The following SAMD4A variants were observed in gnomAD, a reference collection of about 807,000 sequenced individuals.
SAMD4A encodes the protein sterile alpha motif domain containing 4A, also known as protein Smaug homolog 1.
SAMD4A carries 33 observed loss-of-function variants against 81.3 expected under a neutral mutation model. The observed-to-expected ratio is 0.41, with a 90% confidence interval of 0.31 to 0.54. SAMD4A has a LOEUF of 0.54. Among genes scored for constraint, SAMD4A ranks in the 20% least tolerant of loss-of-function variants. SAMD4A has a pLI of 0.37. For synonymous variants in SAMD4A, 389 were observed against 382.1 expected, an observed-to-expected ratio of 1.02 and a Z score of -0.21; for missense variants, 854 against 951.1, an observed-to-expected ratio of 0.90 and a Z score of 1.34.
At position 54,761,492 on chromosome 14, in the gene SAMD4A, T is replaced by C. The variant is rs527523643; in HGVS notation, c.1510+998T>C. Among the ~76,000 whole-genome samples, 12 of 152,370 alleles carry C rather than the reference T, an allele frequency of 7.9e-5. No individual in the cohort carries two copies. The South Asian group carries it at 2.5e-3, about 32-fold the overall frequency. The stretch of plus-strand genomic sequence containing the variant: ...TCCATTCTACACTCCAGACTTTGTA[T>C]CTTTGAGTTCTCAAAAGTTTGCATA... On this transcript the variant is annotated intron_variant, in intron 7 of 12. Coordinates refer to ENST00000554335, the MANE Select transcript of SAMD4A (RefSeq NM_015589.6).
At chr14:54,761,296 T>A (rs1288704914) in intron 7 of SAMD4A, among the ~76,000 whole-genome samples, 1 of 152,234 alleles carries the variant, frequency 6.6e-6, no homozygotes, top group Non-Finnish European at 1.5e-5. Context: ...ATTTGAACCC[T>A]GCAGTCTCTC....
intron 7 of SAMD4A, among the ~76,000 whole-genome samples, chr14:54,762,139 G>A (rs1399496741): frequency 3.3e-5 from 5 of 152,142 alleles, no homozygotes; most frequent in African/African-American, 7.2e-5. Context: ...GGGTAAGAGC[G>A]CCCCTTTCTA....
intron 11 of SAMD4A, among the ~76,000 whole-genome samples, chr14:54,781,455 A>T (rs2139970064): frequency 6.6e-6 from 1 of 152,332 alleles, no homozygotes; most frequent in East Asian, 1.9e-4. Flanking sequence ...TTCTGAAAAG[A>T]TACAATTAAT....
At chr14:54,705,026 C>A (rs1486489439) in intron 3 of SAMD4A, among the ~76,000 whole-genome samples, 2 of 152,204 alleles carry the variant, frequency 1.3e-5, no homozygotes, top group Non-Finnish European at 2.9e-5. Context: ...CTAACTACAG[C>A]TTGGCCAAGT....
chr14:54,656,190 C>T (rs1029021082), intron 2 of SAMD4A, among the ~76,000 whole-genome samples: 2 of 152,198 alleles, frequency 1.3e-5, no homozygotes, highest in African/African-American at 2.4e-5. Flanking sequence ...AATTCACTCT[C>T]CACTAACCTA....
At chr14:54,758,150 G>A (rs1457543310) in intron 6 of SAMD4A, among the ~76,000 whole-genome samples, 1 of 152,208 alleles carries the variant, frequency 6.6e-6, no homozygotes, top group Non-Finnish European at 1.5e-5. Context: ...CAGTGGCCCT[G>A]GCCAGGTTTG....
intron 3 of SAMD4A, among the ~76,000 whole-genome samples, chr14:54,733,407 A>G (rs534813713): frequency 6.6e-6 from 1 of 152,322 alleles, no homozygotes; most frequent in African/African-American, 2.4e-5. Context: ...TTCATACTGT[A>G]TACAATTATT....
chr14:54,772,501 AT>A (rs1398700925), intron 9 of SAMD4A, among the ~76,000 whole-genome samples: 23 of 152,204 alleles, frequency 1.5e-4, no homozygotes, highest in African/African-American at 5.3e-4. Flanking sequence ...CCCCTCCCCT[AT>A]ACAGCTGAGT....
chr14:54,704,454 T>G (rs1217388644), intron 3 of SAMD4A, among the ~76,000 whole-genome samples: 13 of 152,244 alleles, frequency 8.5e-5, no homozygotes, highest in African/African-American at 3.1e-4. Flanking sequence ...TTCTATCTAC[T>G]GATTTATACA....
At chr14:54,708,447 A>C (rs2036910979) in intron 3 of SAMD4A, among the ~76,000 whole-genome samples, 1 of 152,220 alleles carries the variant, frequency 6.6e-6, no homozygotes, top group Non-Finnish European at 1.5e-5. Context: ...GGGAGAGAGA[A>C]GTGGTCTAAA....
intron 3 of SAMD4A, among the ~76,000 whole-genome samples, chr14:54,724,020 G>GGAAGAAGGAAGGAAGGAAGGAAGGAA (rs764011578): frequency 1.4e-5 from 2 of 144,960 alleles, no homozygotes; most frequent in African/African-American, 2.5e-5. Context: ...AAGGAAGGAA[G>GGAAGAAGGAAGGAAGGAAGGAAGGAA]GAAGGAAGGA....
intron 2 of SAMD4A, among the ~76,000 whole-genome samples, chr14:54,590,994 A>G (rs1339093697): frequency 1.3e-5 from 2 of 152,228 alleles, no homozygotes; most frequent in African/African-American, 4.8e-5. Flanking sequence ...TTTCCCCTCA[A>G]TTGCTGAAGC....
intron 3 of SAMD4A, among the ~76,000 whole-genome samples, chr14:54,720,890 G>T (rs2037245091): frequency 6.6e-6 from 1 of 152,024 alleles, no homozygotes; most frequent in African/African-American, 2.4e-5. Context: ...GTTTTCCCTT[G>T]CTATGGGCAC....
chr14:54,659,911 G>A (rs1052877751), intron 2 of SAMD4A, among the ~76,000 whole-genome samples: 4 of 152,164 alleles, frequency 2.6e-5, no homozygotes, highest in African/African-American at 7.2e-5. Context: ...TGGCGAGGGA[G>A]AAGTCAAACA....
chr14:54,639,777 G>A (rs2035126985), intron 2 of SAMD4A, among the ~76,000 whole-genome samples: 2 of 135,442 alleles, frequency 1.5e-5, no homozygotes, highest in African/African-American at 2.7e-5. Context: ...CAGATGTTCT[G>A]AATGTCAAGT....
chr14:54,648,947 T>C (rs1320255434), intron 2 of SAMD4A, among the ~76,000 whole-genome samples: 2 of 151,756 alleles, frequency 1.3e-5, no homozygotes, highest in African/African-American at 4.8e-5. Context: ...TGGAGACAAG[T>C]GGTTGGATTC....
At chr14:54,781,744 T>G (rs946003807) in intron 11 of SAMD4A, among the ~76,000 whole-genome samples, 1 of 152,244 alleles carries the variant, frequency 6.6e-6, no homozygotes, top group African/African-American at 2.4e-5. Flanking sequence ...TGGTGGTTTA[T>G]GTTGGTCTGT....
intron 5 of SAMD4A, among the ~76,000 whole-genome samples, chr14:54,750,704 A>T (rs1305265643): frequency 6.6e-6 from 1 of 152,246 alleles, no homozygotes. Context: ...AAGATGGGTA[A>T]AAACACAGGG....
chr14:54,678,208 ATAAACT>A (rs2036033606), intron 2 of SAMD4A, among the ~76,000 whole-genome samples: 1 of 152,186 alleles, frequency 6.6e-6, no homozygotes, highest in Non-Finnish European at 1.5e-5. Context: ...TCTAATGGTA[ATAAACT>A]TAAGGGAGTT....
Sources: allele counts gnomAD v4.1 joint callset (sites outside exome capture counted in the v4.1 genomes callset), GRCh38; gene constraint gnomAD v4.1.1; transcripts MANE v1.5; gene names NCBI Gene and HGNC (gene_info 2026-07-23, HGNC 2026-07-21).